The following SLC44A5 variants were observed in gnomAD, a reference collection of about 807,000 sequenced individuals.
SLC44A5 encodes the protein choline transporter-like protein 5.
A neutral mutation model predicts 101.8 loss-of-function variants in SLC44A5; 57 were observed. That is an observed-to-expected ratio of 0.56 (90% CI 0.45 to 0.70). The LOEUF (loss-of-function observed/expected upper bound fraction) is 0.70. Among genes scored for constraint, SLC44A5 ranks in the 30% least tolerant of loss-of-function variants. The pLI is 0.00. For missense variants in SLC44A5, 737 were observed against 853.1 expected, an observed-to-expected ratio of 0.86 and a Z score of 1.70; for synonymous variants, 281 against 290.9, an observed-to-expected ratio of 0.97 and a Z score of 0.35.
intron 6 of SLC44A5, among the ~76,000 whole-genome samples, chr1:75,263,066 C>T (rs1210226296): frequency 1.3e-5 from 2 of 152,110 alleles, no homozygotes; most frequent in Non-Finnish European, 2.9e-5. Flanking sequence ...AGGACATAGG[C>T]ATAGGCAAGG....
the SLC44A5 span, among the ~76,000 whole-genome samples, chr1:75,652,072 C>T: frequency 6.6e-6 from 1 of 152,078 alleles, no homozygotes; most frequent in South Asian, 2.1e-4. Context: ...TGGTAGATAA[C>T]CTTCCTCTGG....
chr1:75,228,518 G>C (rs976153804), intron 12 of SLC44A5, among the ~76,000 whole-genome samples: 1 of 151,786 alleles, frequency 6.6e-6, no homozygotes, highest in African/African-American at 2.4e-5. Context: ...GACAATCTCT[G>C]TATTCTAATT....
At chr1:75,518,890 T>C (rs936902175) in intron 2 of SLC44A5, among the ~76,000 whole-genome samples, 1 of 152,194 alleles carries the variant, frequency 6.6e-6, no homozygotes, top group Non-Finnish European at 1.5e-5. Flanking sequence ...AGATTTCTTG[T>C]TGGCATGACA....
chr1:75,320,783 G>C (rs538039233), intron 4 of SLC44A5, among the ~76,000 whole-genome samples: 5 of 152,246 alleles, frequency 3.3e-5, no homozygotes, highest in Non-Finnish European at 7.4e-5. Flanking sequence ...CTTTGTACCT[G>C]AGGTTCCCTT....
the SLC44A5 span, among the ~76,000 whole-genome samples, chr1:75,705,475 C>G: frequency 6.6e-6 from 1 of 152,150 alleles, no homozygotes; most frequent in African/African-American, 2.4e-5. Flanking sequence ...CCTCTTGATA[C>G]AATTTTCATG....
rs147323195 is a variant in SLC44A5, at chr1:75,603,377, T to A, written c.-70+7663A>T. ...TGTACCTTTTTTTTTTTCATCCAAT[T>A]CACTGTTGATGGGCACCTAGGTTGA... On this transcript the variant is annotated intron_variant, in intron 1 of 23. Transcript: ENST00000370859. 2.6e-4 allele frequency among the ~76,000 whole-genome samples: 40 copies of A among 151,972 alleles called. No homozygotes were observed. In the East Asian group the frequency reaches 7.0e-3, roughly 26 times the overall value.
At chr1:75,229,376 C>T (rs1346143377) in intron 12 of SLC44A5, among the ~76,000 whole-genome samples, 2 of 152,008 alleles carry the variant, frequency 1.3e-5, no homozygotes, top group African/African-American at 4.8e-5. Context: ...AAGGCTCTGC[C>T]CCCTTCATAA....
intron 6 of SLC44A5, among the ~76,000 whole-genome samples, chr1:75,274,530 G>A (rs534071852): frequency 2.0e-5 from 3 of 152,234 alleles, no homozygotes; most frequent in African/African-American, 4.8e-5. Flanking sequence ...CCTTCTGGGT[G>A]TGCCCCTTAC....
At chr1:75,216,614 G>C (rs1258496570) in intron 18 of SLC44A5, among the ~76,000 whole-genome samples, 1 of 151,678 alleles carries the variant, frequency 6.6e-6, no homozygotes, top group Non-Finnish European at 1.5e-5. Context: ...GTTATTTTCT[G>C]CTTTTTTCTT....
At chr1:75,278,361 G>A (rs2100760542) in intron 5 of SLC44A5, among the ~76,000 whole-genome samples, 1 of 152,110 alleles carries the variant, frequency 6.6e-6, no homozygotes, top group East Asian at 1.9e-4. Context: ...ATCTGTTCTA[G>A]TAGAAAGAAC....
chr1:75,467,184 C>T (rs1666869919), intron 2 of SLC44A5, among the ~76,000 whole-genome samples: 1 of 151,786 alleles, frequency 6.6e-6, no homozygotes, highest in Non-Finnish European at 1.5e-5. Context: ...TTTAAGAGGA[C>T]ACCAAGAAAT....
At chr1:75,645,699 G>T in the SLC44A5 span, among the ~76,000 whole-genome samples, 1 of 139,588 alleles carries the variant, frequency 7.2e-6, no homozygotes, top group Non-Finnish European at 1.6e-5. Context: ...TGAAGTCCTT[G>T]CCCATGCCTA....
At chr1:75,575,447 A>C (rs1673307240) in intron 1 of SLC44A5, among the ~76,000 whole-genome samples, 1 of 152,196 alleles carries the variant, frequency 6.6e-6, no homozygotes, top group African/African-American at 2.4e-5. Flanking sequence ...GATTTGGTGA[A>C]TGTATTGCTG....
the SLC44A5 span, among the ~76,000 whole-genome samples, chr1:75,633,570 T>C: frequency 6.6e-6 from 1 of 152,172 alleles, no homozygotes; most frequent in Non-Finnish European, 1.5e-5. Flanking sequence ...ACATTGATTT[T>C]GTATCCTGAG....
intron 4 of SLC44A5, among the ~76,000 whole-genome samples, chr1:75,319,787 A>G (rs1318634511): frequency 6.6e-6 from 1 of 152,228 alleles, no homozygotes; most frequent in Non-Finnish European, 1.5e-5. Flanking sequence ...AGCTCAGCAG[A>G]AGGCTTTCAA....
intron 3 of SLC44A5, among the ~76,000 whole-genome samples, chr1:75,384,801 T>A (rs1293922740): frequency 1.4e-5 from 2 of 147,468 alleles, no homozygotes; most frequent in African/African-American, 5.1e-5. Flanking sequence ...GACCACATAC[T>A]TGGAAGTAAA....
chr1:75,232,821 A>G (rs999389988), intron 12 of SLC44A5, among the ~76,000 whole-genome samples: 5 of 152,098 alleles, frequency 3.3e-5, no homozygotes, highest in African/African-American at 1.2e-4. Context: ...CAAACTTCCA[A>G]AGTTACCCAG....
chr1:75,590,322 G>A (rs1674276682), intron 1 of SLC44A5, among the ~76,000 whole-genome samples: 2 of 152,074 alleles, frequency 1.3e-5, no homozygotes, highest in Admixed American at 6.6e-5. Flanking sequence ...GGGCCAGAAG[G>A]TAATCTGCTG....
chr1:75,211,892 TTC>T (rs1290407290), intron 22 of SLC44A5, among the ~76,000 whole-genome samples: 2 of 150,250 alleles, frequency 1.3e-5, no homozygotes, highest in African/African-American at 4.9e-5. Context: ...CTTCCTTCCT[TTC>T]TCTCTCTCTC....
Sources: gnomAD v4.1 joint callset for allele counts (sites outside exome capture counted in the v4.1 genomes callset) on GRCh38, gnomAD v4.1.1 for gene constraint, MANE v1.5 for transcripts, NCBI Gene and HGNC (gene_info 2026-07-23, HGNC 2026-07-21) for gene names.